TKTL1: variants seen among roughly 807,000 people sequenced by gnomAD.
TKTL1 encodes transketolase like 1, also known as transketolase-like protein 1.
TKTL1 carries 1 observed loss-of-function variant against 39.3 expected under a neutral mutation model. The ratio of observed to expected loss-of-function variants is 0.03; its 90% CI spans 0.01 to 0.12. The LOEUF (loss-of-function observed/expected upper bound fraction) is 0.12, where lower values mean the gene tolerates loss of function less well. TKTL1 is among the 10% of genes least tolerant of loss of function. The probability of loss-of-function intolerance (pLI) is 1.00; values close to 1 mark genes in which losing one functional copy is unlikely to be tolerated. For missense variants in TKTL1, 575 were observed against 509.6 expected (o/e 1.13, Z -1.24); for synonymous variants, 262 against 193.8 (o/e 1.35, Z -2.92).
At chrX:154,328,196 G>C (rs2067507997) in intron 12 of TKTL1, among the ~76,000 whole-genome samples, 1 of 111,310 alleles carries the variant, frequency 9.0e-6, no homozygotes, top group Admixed American at 9.6e-5. Flanking sequence ...GCTATTGCAG[G>C]CAAGCGAGGT....
At position 154,306,923 on chromosome X, in the gene TKTL1, G is replaced by T. The variant is rs1206179585; in HGVS notation, c.252+1502G>T. On this transcript the variant is annotated intron_variant, in intron 2 of 12. Transcript: ENST00000369915. ...CTGGGATTACAGGCAACAAGCCACC[G>T]CTTCCAGCCCTCTTTACAATGAAAA... 3.6e-5 allele frequency among the ~76,000 whole-genome samples: 4 copies of T among 110,216 alleles called. No homozygotes were observed. The Admixed American group carries it at 3.9e-4, about 11-fold the overall frequency.
chrX:154,311,613 T>A (rs2067358307), intron 5 of TKTL1, among the ~76,000 whole-genome samples: 1 of 111,144 alleles, frequency 9.0e-6, no homozygotes, highest in Non-Finnish European at 1.9e-5. Context: ...CCCACACTCT[T>A]CTGGAAGAAC....
chrX:154,306,489 T>C (rs1195334305), intron 2 of TKTL1, among the ~76,000 whole-genome samples: 5 of 112,040 alleles, frequency 4.5e-5, no homozygotes, highest in African/African-American at 1.3e-4. Flanking sequence ...AAATAGAATT[T>C]ACATGTGTAC....
intron 1 of TKTL1, among the ~76,000 whole-genome samples, chrX:154,299,780 T>A (rs1557165510): frequency 2.7e-5 from 3 of 111,997 alleles, no homozygotes; most frequent in African/African-American, 9.7e-5. Context: ...ACATTGTTTT[T>A]TATGGCTGAG....
intron 7 of TKTL1, among the ~76,000 whole-genome samples, chrX:154,315,699 C>G (rs1603353397): frequency 8.9e-6 from 1 of 111,859 alleles, no homozygotes; most frequent in South Asian, 3.8e-4. Flanking sequence ...CAGAGGCACA[C>G]TGGCTGAGGA....
At chrX:154,313,459 G>A (rs1361414138) in intron 6 of TKTL1, among the ~76,000 whole-genome samples, 1 of 112,096 alleles carries the variant, frequency 8.9e-6, no homozygotes, top group Non-Finnish European at 1.9e-5. Context: ...AGTTCTTTAT[G>A]GCCTAGAGGA....
chrX:154,300,431 C>T lies in TKTL1; in HGVS notation c.134+4438C>T, dbSNP rs782311417. On this transcript the variant is annotated intron_variant, in intron 1 of 12. Coordinates refer to ENST00000369915, the MANE Select transcript of TKTL1 (RefSeq NM_012253.4). ...CATGAGATATCTTTGTTTGTGTCAT[C>T]TGTGATGTCTTTCAGTAGTGTTTTG... Among the ~76,000 whole-genome samples, 3 of 112,493 alleles carry T rather than the reference C, an allele frequency of 2.7e-5. No individual in the cohort carries two copies. The South Asian group carries it at 1.1e-3, about 40-fold the overall frequency.
rs782566318 is a variant in TKTL1 at position 154,315,225 on chromosome X, A to G, written c.917A>G (p.Asn306Ser). The G allele has an allele frequency of 1.7e-6, 2 of 1,211,707 alleles. No individual in the cohort carries two copies. The highest frequency in any genetic ancestry group is 2.2e-6 in the Non-Finnish European group (2 of 895,444). The change falls in exon 7 of 13, where the codon AAC (asparagine) becomes AGC (serine). Residue 306 changes from asparagine (N) to serine (S), a missense_variant. Physicochemically the swap from Asn to Ser is conservative, Grantham distance 46 (BLOSUM62 1). Coordinates refer to ENST00000369915, the MANE Select transcript of TKTL1 (RefSeq NM_012253.4). ...GLALAKLGYA[N>S]NRVVVLDGDT... ...GCTCTGGCTAAGCTGGGCTACGCGA[A>G]CAACAGAGTCGTTGTGCTGGATGGT...
At chrX:154,300,435 G>C (rs138153052) in intron 1 of TKTL1, among the ~76,000 whole-genome samples, 3,207 of 112,311 alleles carry the variant, frequency 0.029, 84 homozygotes, top group African/African-American at 0.088. Context: ...TGTCATCTGT[G>C]ATGTCTTTCA....
At chrX:154,297,318 C>G (rs1352429053) in intron 1 of TKTL1, among the ~76,000 whole-genome samples, 1 of 109,952 alleles carries the variant, frequency 9.1e-6, no homozygotes, top group Non-Finnish European at 1.9e-5. Context: ...TGCAGTGGCA[C>G]GATTTTGGCT....
chrX:154,316,145 C>T (rs2148809531), intron 7 of TKTL1, among the ~76,000 whole-genome samples: 1 of 111,687 alleles, frequency 9.0e-6, no homozygotes, highest in South Asian at 3.8e-4. Context: ...GCTCAGCTCA[C>T]TGCAAGCTCC....
At position 154,323,211 on chromosome X, in the gene TKTL1, C is replaced by T. The variant is rs781847361; in HGVS notation, c.1191C>T (p.Asp397=). The T allele has an allele frequency of 2.5e-6, 3 of 1,208,521 alleles. No homozygotes were observed. Among genetic ancestry groups the T allele is most frequent in the Non-Finnish European group, 3.4e-6 (3 of 894,659 alleles). ...IGSHCGVSVG[D]DGASQMALED... is the part of the protein sequence containing the mutation. ...ATCGGGCTCTGGTTCTCTCAGGTGA[C>T]GATGGTGCTTCCCAGATGGCCCTGG... The change falls in exon 9 of 13, where the codon GAC becomes GAT. Residue 397 remains aspartate, a synonymous_variant. Coordinates refer to ENST00000369915, the MANE Select transcript of TKTL1 (RefSeq NM_012253.4).
At chrX:154,296,239 A>G (rs1383611585) in intron 1 of TKTL1, among the ~76,000 whole-genome samples, 2 of 111,042 alleles carry the variant, frequency 1.8e-5, no homozygotes, top group South Asian at 7.7e-4. Context: ...CCGCCCCTCA[A>G]TTTACCCACG....
intron 1 of TKTL1, among the ~76,000 whole-genome samples, chrX:154,298,003 G>C (rs374427925): frequency 1.8e-5 from 2 of 111,008 alleles, no homozygotes; most frequent in African/African-American, 3.3e-5. Flanking sequence ...TTTATTGGGC[G>C]TTTTTTTTAT....
At chrX:154,313,121 T>C (rs1346614665) in intron 6 of TKTL1, among the ~76,000 whole-genome samples, 1 of 111,806 alleles carries the variant, frequency 8.9e-6, no homozygotes, top group Non-Finnish European at 1.9e-5. Flanking sequence ...GTCTGATTTT[T>C]ATTTTTGGCT....
At chrX:154,315,477 A>G in intron 7 of TKTL1, 140 bp downstream of exon 7, 7 of 598,112 alleles carry the variant, frequency 1.2e-5, no homozygotes, top group Non-Finnish European at 1.8e-5. Flanking sequence ...GGAGGCAAGT[A>G]GCCAGGTGGA....
chrX:154,300,010 AT>A (rs1169453325), intron 1 of TKTL1, among the ~76,000 whole-genome samples: 7,159 of 86,271 alleles, frequency 0.083, 630 homozygotes, highest in African/African-American at 0.28. Context: ...TACTTTTAGT[AT>A]TTTTTTTTTT....
At chrX:154,297,351 G>A (rs1450446024) in intron 1 of TKTL1, among the ~76,000 whole-genome samples, 4 of 110,452 alleles carry the variant, frequency 3.6e-5, no homozygotes, top group Non-Finnish European at 7.6e-5. Flanking sequence ...CGCCTCCTGG[G>A]TTCACGCCAT....
intron 7 of TKTL1, among the ~76,000 whole-genome samples, chrX:154,319,737 TAAAA>T (rs59299490): frequency 1.1e-5 from 1 of 89,778 alleles, no homozygotes; most frequent in Non-Finnish European, 2.2e-5. Flanking sequence ...AGACCCTGTC[TAAAA>T]AAAAAAAAAA....
Sources: gnomAD v4.1 joint callset for allele counts (sites outside exome capture counted in the v4.1 genomes callset) on GRCh38, gnomAD v4.1.1 for gene constraint, MANE v1.5 for transcripts, NCBI Gene and HGNC (gene_info 2026-07-23, HGNC 2026-07-21) for gene names.